SPOCK1: variants seen among roughly 807,000 people sequenced by gnomAD.
SPOCK1 encodes testican-1.
In SPOCK1, 23 loss-of-function variants were observed where a neutral mutation model predicts 55.3. The observed-to-expected ratio is 0.42, with a 90% CI of 0.30 to 0.59. The LOEUF (loss-of-function observed/expected upper bound fraction) is 0.59. Among genes scored for constraint, SPOCK1 ranks in the 20% least tolerant of loss-of-function variants. The pLI, the probability that SPOCK1 is intolerant of heterozygous loss-of-function variation, is 0.22. For missense variants in SPOCK1, 499 were observed against 552.5 expected (o/e 0.90, Z 0.97); for synonymous variants, 226 against 221.0 (o/e 1.02, Z -0.20).
intron 4 of SPOCK1, among the ~76,000 whole-genome samples, chr5:137,128,428 C>T (rs1753816963): frequency 6.6e-6 from 1 of 152,238 alleles, no homozygotes; most frequent in African/African-American, 2.4e-5. Flanking sequence ...ATTGTTCCCC[C>T]ATCTGATTGT....
At chr5:137,396,277 T>G (rs1751845621) in intron 2 of SPOCK1, among the ~76,000 whole-genome samples, 1 of 152,198 alleles carries the variant, frequency 6.6e-6, no homozygotes, top group South Asian at 2.1e-4. Context: ...CCAGCAAGCA[T>G]GACAAGTAGC....
At chr5:137,078,016 GA>G (rs2127011943) in intron 5 of SPOCK1, among the ~76,000 whole-genome samples, 1 of 152,206 alleles carries the variant, frequency 6.6e-6, no homozygotes, top group South Asian at 2.1e-4. Flanking sequence ...GAGAGAGCAA[GA>G]AAAGAAAGCT....
At chr5:137,171,708 T>C (rs2127058765) in intron 3 of SPOCK1, among the ~76,000 whole-genome samples, 1 of 152,312 alleles carries the variant, frequency 6.6e-6, no homozygotes, top group South Asian at 2.1e-4. Context: ...GCACACGGTA[T>C]GCATTCAATG....
At chr5:137,082,888 A>G (rs1752898859) in intron 5 of SPOCK1, among the ~76,000 whole-genome samples, 1 of 152,302 alleles carries the variant, frequency 6.6e-6, no homozygotes, top group African/African-American at 2.4e-5. Context: ...CTAAGTTTCC[A>G]CTTGCATATT....
At chr5:137,351,790 G>A (rs1750686640) in intron 2 of SPOCK1, among the ~76,000 whole-genome samples, 2 of 152,158 alleles carry the variant, frequency 1.3e-5, no homozygotes, top group African/African-American at 4.8e-5. Context: ...GACACATAAT[G>A]TTGTCATATA....
chr5:137,072,431 C>A (rs1580735921), intron 5 of SPOCK1, among the ~76,000 whole-genome samples: 1 of 152,174 alleles, frequency 6.6e-6, no homozygotes, highest in Admixed American at 6.5e-5. Context: ...GCCCTTATCA[C>A]TGCAGACAGA....
At chr5:137,162,805 T>G (rs993497166) in intron 3 of SPOCK1, among the ~76,000 whole-genome samples, 4 of 152,266 alleles carry the variant, frequency 2.6e-5, no homozygotes, top group Non-Finnish European at 4.4e-5. Context: ...AGGAAATAAA[T>G]GAACCTGGCA....
intron 2 of SPOCK1, among the ~76,000 whole-genome samples, chr5:137,280,962 T>G (rs1389609850): frequency 1.3e-5 from 2 of 151,964 alleles, no homozygotes; most frequent in East Asian, 3.9e-4. Flanking sequence ...CATGACCCAC[T>G]GTAAGAAGAA....
At chr5:137,466,735 C>A (rs1753631589) in intron 2 of SPOCK1, among the ~76,000 whole-genome samples, 2 of 152,228 alleles carry the variant, frequency 1.3e-5, no homozygotes, top group African/African-American at 2.4e-5. Context: ...TTCCCATGAG[C>A]ATCATTTGTA....
intron 2 of SPOCK1, among the ~76,000 whole-genome samples, chr5:137,493,829 G>A (rs1048375038): frequency 2.3e-4 from 35 of 152,052 alleles, no homozygotes; most frequent in Admixed American, 5.9e-4. Context: ...CCACTGACTG[G>A]GCCAGCCACT....
intron 7 of SPOCK1, among the ~76,000 whole-genome samples, chr5:136,990,790 C>T (rs1009342737): frequency 6.6e-6 from 1 of 152,046 alleles, no homozygotes; most frequent in East Asian, 1.9e-4. Flanking sequence ...GCTGACTGGT[C>T]GGCAAAAAGA....
At chr5:137,171,809 C>T (rs776357365) in intron 3 of SPOCK1, among the ~76,000 whole-genome samples, 1 of 152,170 alleles carries the variant, frequency 6.6e-6, no homozygotes, top group Non-Finnish European at 1.5e-5. Context: ...GTGTGAATTG[C>T]CATTCATATC....
intron 2 of SPOCK1, among the ~76,000 whole-genome samples, chr5:137,267,341 C>T (rs993544268): frequency 6.6e-6 from 1 of 152,190 alleles, no homozygotes; most frequent in African/African-American, 2.4e-5. Context: ...AACCCAGACA[C>T]CTTCTAGGTG....
intron 2 of SPOCK1, among the ~76,000 whole-genome samples, chr5:137,272,085 G>A (rs1321378896): frequency 1.3e-5 from 2 of 152,186 alleles, no homozygotes; most frequent in Non-Finnish European, 2.9e-5. Flanking sequence ...ACACAAAATG[G>A]AGAAGCACTT....
intron 6 of SPOCK1, among the ~76,000 whole-genome samples, chr5:137,028,225 G>A (rs1196399378): frequency 1.3e-5 from 2 of 152,144 alleles, no homozygotes; most frequent in African/African-American, 2.4e-5. Flanking sequence ...TACAGTATGA[G>A]GACACATGCT....
At chr5:137,070,105 T>G (rs961245941) in intron 5 of SPOCK1, among the ~76,000 whole-genome samples, 5 of 152,172 alleles carry the variant, frequency 3.3e-5, no homozygotes, top group African/African-American at 9.6e-5. Context: ...AAGCCAGGTT[T>G]GAGCAGACAT....
chr5:137,199,817 C>T (rs1755381513), intron 3 of SPOCK1, among the ~76,000 whole-genome samples: 1 of 152,160 alleles, frequency 6.6e-6, no homozygotes, highest in African/African-American at 2.4e-5. Context: ...CTGGGTCCCT[C>T]CCCTGACATT....
In SPOCK1 at chr5:137,176,502, A is replaced by ATGTGTGTGTGTG. The variant is rs10527760; in HGVS notation, c.233-35820_233-35809dup. On this transcript the variant is annotated intron_variant, in intron 3 of 10. Coordinates refer to ENST00000394945, the MANE Select transcript of SPOCK1 (RefSeq NM_004598.4). ...GCTTACAAAAATCTCCCCCACCACA[A>ATGTGTGTGTGTG]TGTGTGTGTGTGTGTGTGTGTGTGT... 3.0e-3 allele frequency among the ~76,000 whole-genome samples: 448 copies of ATGTGTGTGTGTG among 150,402 alleles called. 3 individuals carry two copies. The highest frequency in any genetic ancestry group is 0.02 in the East Asian group (102 of 5,062).
intron 2 of SPOCK1, among the ~76,000 whole-genome samples, chr5:137,449,111 G>A (rs1356662850): frequency 6.6e-6 from 1 of 152,234 alleles, no homozygotes; most frequent in Non-Finnish European, 1.5e-5. Context: ...TCAGCCCCCA[G>A]GACAGTTGCA....
Sources: gnomAD v4.1 joint callset for allele counts (sites outside exome capture counted in the v4.1 genomes callset) on GRCh38, gnomAD v4.1.1 for gene constraint, MANE v1.5 for transcripts, NCBI Gene and HGNC (gene_info 2026-07-23, HGNC 2026-07-21) for gene names.